The following DACH1 variants were observed in gnomAD, a reference collection of about 807,000 sequenced individuals.
DACH1 encodes the protein dachshund homolog 1.
Under a neutral mutation model 54.2 loss-of-function variants are expected in DACH1, and 12 were observed. The ratio of observed to expected loss-of-function variants is 0.22; its 90% CI spans 0.14 to 0.36. DACH1 has a LOEUF of 0.36. DACH1 is among the 10% of genes least tolerant of loss of function. DACH1 has a pLI of 1.00. For synonymous variants in DACH1, 386 were observed against 366.2 expected (o/e 1.05, Z -0.62); for missense variants, 805 against 929.8 (o/e 0.87, Z 1.75).
chr13:71,793,862 A>G (rs1337053845), intron 1 of DACH1, among the ~76,000 whole-genome samples: 1 of 152,214 alleles, frequency 6.6e-6, no homozygotes, highest in Non-Finnish European at 1.5e-5. Flanking sequence ...ATTGAGGTTT[A>G]GAAAGTTTAA....
chr13:71,787,940 G>A (rs566257558), intron 1 of DACH1, among the ~76,000 whole-genome samples: 2 of 152,100 alleles, frequency 1.3e-5, no homozygotes, highest in Non-Finnish European at 2.9e-5. Context: ...ACTGAAAGGA[G>A]CTCAAATAGC....
At chr13:71,575,583 A>G (rs761492435) in intron 3 of DACH1, among the ~76,000 whole-genome samples, 3 of 151,990 alleles carry the variant, frequency 2.0e-5, no homozygotes, top group South Asian at 2.1e-4. Context: ...GGTACAAAAT[A>G]TTATCTTAAA....
intron 2 of DACH1, chr13:71,675,124 C>T: frequency 6.3e-7 from 1 of 1,582,964 alleles, no homozygotes. Context: ...CAGGAAGTAA[C>T]TGGCTACAAA....
chr13:71,483,117 C>T (rs1040041549), intron 7 of DACH1, among the ~76,000 whole-genome samples: 2 of 151,870 alleles, frequency 1.3e-5, no homozygotes, highest in Non-Finnish European at 2.9e-5. Context: ...GACACATTTT[C>T]AGAGAAGCTT....
intron 1 of DACH1, among the ~76,000 whole-genome samples, chr13:71,779,189 GTATA>G (rs1229826228): frequency 8.7e-6 from 1 of 114,514 alleles, no homozygotes; most frequent in South Asian, 2.6e-4. Context: ...ACATATATAC[GTATA>G]TACGTATATA....
At chr13:71,707,554 C>T (rs1344709135) in intron 1 of DACH1, among the ~76,000 whole-genome samples, 2 of 152,028 alleles carry the variant, frequency 1.3e-5, no homozygotes, top group Non-Finnish European at 2.9e-5. Flanking sequence ...TCCCAGAGAA[C>T]AGAAGCAGAA....
chr13:71,669,930 C>T (rs749273693), intron 2 of DACH1, among the ~76,000 whole-genome samples: 1 of 151,752 alleles, frequency 6.6e-6, no homozygotes, highest in Admixed American at 6.6e-5. Flanking sequence ...AAGTTAGGAG[C>T]CAACTCACAA....
At chr13:71,849,333 T>G (rs1483341283) in intron 1 of DACH1, among the ~76,000 whole-genome samples, 1 of 152,216 alleles carries the variant, frequency 6.6e-6, no homozygotes, top group Non-Finnish European at 1.5e-5. Context: ...TTTCAACATT[T>G]GGCCACATGT....
chr13:71,865,779 A>T (rs1230308136), intron 1 of DACH1, 143 bp downstream of exon 1: 43 of 1,256,542 alleles, frequency 3.4e-5, no homozygotes, highest in Non-Finnish European at 4.2e-5. Context: ...GCGAGCCCCG[A>T]GCAGGGAGAG....
chr13:71,665,933 A>G (rs1879804377), intron 2 of DACH1, among the ~76,000 whole-genome samples: 1 of 152,116 alleles, frequency 6.6e-6, no homozygotes, highest in African/African-American at 2.4e-5. Flanking sequence ...GAGACAAACA[A>G]CACCTCCTTC....
At chr13:71,725,984 T>C (rs7996246) in intron 1 of DACH1, among the ~76,000 whole-genome samples, 1 of 152,062 alleles carries the variant, frequency 6.6e-6, no homozygotes, top group Non-Finnish European at 1.5e-5. Context: ...ACAAATCCCC[T>C]TGGAGAACCT....
chr13:71,702,521 C>G (rs867385735), intron 1 of DACH1, among the ~76,000 whole-genome samples: 4 of 152,106 alleles, frequency 2.6e-5, no homozygotes, highest in Middle Eastern at 3.4e-3. Flanking sequence ...TTTATTTTTC[C>G]TCTACATTGA....
At chr13:71,581,746 A>G (rs1872868387) in intron 3 of DACH1, among the ~76,000 whole-genome samples, 1 of 152,186 alleles carries the variant, frequency 6.6e-6, no homozygotes. Flanking sequence ...TAAGGAGGCA[A>G]TAATGATGAT....
chr13:71,478,146 C>A (rs1408716565), intron 8 of DACH1, among the ~76,000 whole-genome samples: 1 of 152,144 alleles, frequency 6.6e-6, no homozygotes, highest in Admixed American at 6.5e-5. Flanking sequence ...AGATTGAGTT[C>A]TTTGACCCAA....
intron 6 of DACH1, among the ~76,000 whole-genome samples, chr13:71,517,648 A>C (rs1279342864): frequency 6.6e-6 from 1 of 151,900 alleles, no homozygotes; most frequent in Admixed American, 6.6e-5. Context: ...TGTTCACTGG[A>C]AAGGAAGTCA....
intron 6 of DACH1, among the ~76,000 whole-genome samples, chr13:71,531,241 TATTAA>T (rs1272060918): frequency 8.5e-5 from 13 of 152,140 alleles, no homozygotes; most frequent in Non-Finnish European, 7.4e-5. Context: ...TTTTATGTCT[TATTAA>T]ATTATTTATA....
intron 6 of DACH1, among the ~76,000 whole-genome samples, chr13:71,534,327 C>A (rs1466265144): frequency 1.3e-5 from 2 of 151,680 alleles, no homozygotes; most frequent in African/African-American, 4.8e-5. Context: ...AATAAAAGGA[C>A]AAAAATATTT....
chr13:71,834,563 C>T (rs535297331), intron 1 of DACH1, among the ~76,000 whole-genome samples: 5 of 152,146 alleles, frequency 3.3e-5, no homozygotes, highest in African/African-American at 1.2e-4. Context: ...GAAGTCAGAA[C>T]TTGAAGAATT....
At chr13:71,666,426 C>G (rs1879837532) in intron 2 of DACH1, among the ~76,000 whole-genome samples, 2 of 151,928 alleles carry the variant, frequency 1.3e-5, no homozygotes, top group African/African-American at 4.8e-5. Context: ...CTATTCTAAC[C>G]CATACGGTGA....
Sources: allele counts gnomAD v4.1 joint callset (sites outside exome capture counted in the v4.1 genomes callset), GRCh38; gene constraint gnomAD v4.1.1; transcripts MANE v1.5; gene names NCBI Gene and HGNC (gene_info 2026-07-23, HGNC 2026-07-21).